LRRC4C: variants seen among roughly 807,000 people sequenced by gnomAD.
LRRC4C encodes leucine-rich repeat-containing protein 4C.
A neutral mutation model predicts 33.6 loss-of-function variants in LRRC4C; 5 were observed. The ratio of observed to expected loss-of-function variants is 0.15; its 90% CI spans 0.08 to 0.31. The LOEUF is 0.31. LRRC4C is among the 10% of genes least tolerant of loss of function. The probability of loss-of-function intolerance (pLI) is 1.00; values close to 1 mark genes in which losing one functional copy is unlikely to be tolerated. For synonymous variants in LRRC4C, 329 were observed against 302.0 expected (o/e 1.09, Z -0.93); for missense variants, 560 against 796.7 (o/e 0.70, Z 3.58).
chr11:41,187,445 A>T lies in LRRC4C; in HGVS notation c.-495-253722T>A, dbSNP rs533197114. Among the ~76,000 whole-genome samples the T allele has an allele frequency of 3.9e-5, 6 of 152,270 alleles. No homozygotes were observed. In the South Asian group the frequency reaches 1.2e-3, roughly 32 times the overall value. On this transcript the variant is annotated intron_variant, in intron 1 of 6. Coordinates refer to ENST00000528697, the MANE Select transcript of LRRC4C (RefSeq NM_001258419.2). ...AGTAGAAAGACGTGGAGTTTGGCCA[A>T]GGCATTTGGAGGTAAGCCTAGCCAC...
chr11:41,158,217 G>A (rs1363632164), intron 1 of LRRC4C, among the ~76,000 whole-genome samples: 5 of 152,034 alleles, frequency 3.3e-5, no homozygotes, highest in Non-Finnish European at 7.4e-5. Context: ...GTTGACACAG[G>A]GAGTAAGCAG....
intron 3 of LRRC4C, among the ~76,000 whole-genome samples, chr11:40,632,640 G>C (rs149507469): frequency 6.6e-6 from 1 of 152,254 alleles, no homozygotes; most frequent in African/African-American, 2.4e-5. Context: ...TGTAATCTTA[G>C]GGAACGCTCA....
At chr11:41,150,249 A>G (rs933570923) in intron 1 of LRRC4C, among the ~76,000 whole-genome samples, 9 of 152,202 alleles carry the variant, frequency 5.9e-5, no homozygotes, top group Non-Finnish European at 1.2e-4. Flanking sequence ...TGTATTCTAC[A>G]TATCTGTCTA....
At chr11:41,438,154 G>A (rs774703135) in intron 1 of LRRC4C, among the ~76,000 whole-genome samples, 2 of 151,982 alleles carry the variant, frequency 1.3e-5, no homozygotes, top group Non-Finnish European at 2.9e-5. Context: ...GAAAAAAAGA[G>A]ACCAACAATT....
rs749300622 is a variant in LRRC4C, at chr11:41,180,525, C to G, written c.-495-246802G>C. Reference sequence around the variant, plus strand: ...TTTAAAACAAATGAGAGTGAGAGATCGTCCGCTTCCACTTGCCCTTTGCAA... The same window carrying G: ...TTTAAAACAAATGAGAGTGAGAGATGGTCCGCTTCCACTTGCCCTTTGCAA... On this transcript the variant is annotated intron_variant, in intron 1 of 6. Coordinates refer to ENST00000528697, the MANE Select transcript of LRRC4C (RefSeq NM_001258419.2). Among the ~76,000 whole-genome samples, 8 of 152,144 alleles carry G rather than the reference C, an allele frequency of 5.3e-5. No individual in the cohort carries two copies. In the South Asian group the frequency reaches 1.2e-3, roughly 24 times the overall value.
At chr11:40,728,973 AC>A (rs1216369263) in intron 2 of LRRC4C, among the ~76,000 whole-genome samples, 1 of 139,900 alleles carries the variant, frequency 7.1e-6, no homozygotes, top group African/African-American at 2.6e-5. Context: ...CCTGGGGACC[AC>A]AGATAGAGGG....
At chr11:40,886,800 T>C (rs974579168) in intron 2 of LRRC4C, among the ~76,000 whole-genome samples, 5 of 151,824 alleles carry the variant, frequency 3.3e-5, no homozygotes, top group African/African-American at 1.2e-4. Context: ...TGTTTGCTCA[T>C]GCACTTTAGT....
chr11:40,408,252 T>C (rs1950029959), intron 3 of LRRC4C, among the ~76,000 whole-genome samples: 1 of 152,030 alleles, frequency 6.6e-6, no homozygotes. Flanking sequence ...TATAATTTAA[T>C]TAACATATAA....
intron 2 of LRRC4C, among the ~76,000 whole-genome samples, chr11:40,767,190 A>C (rs1390434105): frequency 6.6e-6 from 1 of 152,104 alleles, no homozygotes; most frequent in Non-Finnish European, 1.5e-5. Flanking sequence ...ATATTTAACA[A>C]AATAGATTTC....
chr11:40,975,880 C>G (rs1852045840), intron 1 of LRRC4C, among the ~76,000 whole-genome samples: 1 of 152,138 alleles, frequency 6.6e-6, no homozygotes, highest in Admixed American at 6.5e-5. Context: ...GATCTGAACC[C>G]AAGTTAATAT....
intron 5 of LRRC4C, among the ~76,000 whole-genome samples, chr11:40,179,937 G>C (rs1003278061): frequency 6.6e-6 from 1 of 151,884 alleles, no homozygotes; most frequent in African/African-American, 2.4e-5. Context: ...ATATGTGATA[G>C]ATAGGTAGAA....
intron 3 of LRRC4C, among the ~76,000 whole-genome samples, chr11:40,329,069 G>A (rs111795143): frequency 8.6e-4 from 131 of 152,276 alleles, no homozygotes; most frequent in African/African-American, 3.1e-3. Context: ...CAAAAAGTAG[G>A]CTTAGTGCAA....
At chr11:41,170,448 C>T (rs2136090359) in intron 1 of LRRC4C, among the ~76,000 whole-genome samples, 2 of 152,184 alleles carry the variant, frequency 1.3e-5, no homozygotes, top group Middle Eastern at 6.8e-3. Context: ...AGAAATAATG[C>T]CACATATCTA....
At chr11:40,633,319 T>TTTTC in intron 3 of LRRC4C, among the ~76,000 whole-genome samples, 2 of 148,256 alleles carry the variant, frequency 1.3e-5, no homozygotes, top group African/African-American at 2.5e-5. Context: ...CTCAGCCAAG[T>TTTTC]TTTCTTTTTC....
intron 5 of LRRC4C, among the ~76,000 whole-genome samples, chr11:40,154,019 A>G (rs544584573): frequency 6.6e-6 from 1 of 152,284 alleles, no homozygotes; most frequent in East Asian, 1.9e-4. Context: ...AAGAATCTTA[A>G]GAGCTGTGAC....
chr11:41,190,552 A>G (rs7928155), intron 1 of LRRC4C, among the ~76,000 whole-genome samples: 66,049 of 151,994 alleles, frequency 0.43, 17,405 homozygotes, highest in Non-Finnish European at 0.57. Context: ...CTTTCACTGC[A>G]TTTATCACGG....
chr11:41,206,910 C>T (rs1477642870), intron 1 of LRRC4C, among the ~76,000 whole-genome samples: 3 of 152,074 alleles, frequency 2.0e-5, no homozygotes, highest in African/African-American at 7.2e-5. Flanking sequence ...AGCTGTCTGA[C>T]TCTAGAGCTT....
chr11:40,200,784 A>AAAAAGAAAAAAAAAAAAAAG (rs1862679706), intron 5 of LRRC4C, among the ~76,000 whole-genome samples: 1 of 78,440 alleles, frequency 1.3e-5, no homozygotes, highest in African/African-American at 4.8e-5. Flanking sequence ...AAAAAAAAAA[A>AAAAAGAAAAAAAAAAAAAAG]AAAAGAAAAG....
rs566231902 is a variant in LRRC4C, at chr11:40,820,266, C to T, written c.-407+113369G>A. Among the ~76,000 whole-genome samples, 22 of 151,824 alleles carry T rather than the reference C, an allele frequency of 1.4e-4. No homozygotes were observed. The South Asian group carries it at 1.9e-3, about 13-fold the overall frequency. On this transcript the variant is annotated intron_variant, in intron 2 of 6. Coordinates refer to ENST00000528697, the MANE Select transcript of LRRC4C (RefSeq NM_001258419.2). The stretch of plus-strand genomic sequence containing the variant: ...TGTCTAAGAAGTGGAAACATTTTTA[C>T]ATGATGTAAAGGAAGCAAGACAGCA...
Sources: gnomAD v4.1 joint callset for allele counts (sites outside exome capture counted in the v4.1 genomes callset) on GRCh38, gnomAD v4.1.1 for gene constraint, MANE v1.5 for transcripts, NCBI Gene and HGNC (gene_info 2026-07-23, HGNC 2026-07-21) for gene names.